The following AGFG2 variants were observed in gnomAD, a reference collection of about 807,000 sequenced individuals.
The protein encoded by AGFG2 is arf-GAP domain and FG repeat-containing protein 2.
Under a neutral mutation model 48.0 loss-of-function variants are expected in AGFG2, and 31 were observed. The ratio of observed to expected loss-of-function variants is 0.65; its 90% CI spans 0.49 to 0.87. The LOEUF (loss-of-function observed/expected upper bound fraction) is 0.87. Among genes scored for constraint, AGFG2 ranks in the 40% least tolerant of loss-of-function variants. The probability of loss-of-function intolerance (pLI) is 0.00; values close to 1 mark genes in which losing one functional copy is unlikely to be tolerated. For synonymous variants in AGFG2, 229 were observed against 260.8 expected, an observed-to-expected ratio of 0.88 and a Z score of 1.18; for missense variants, 599 against 632.6, an observed-to-expected ratio of 0.95 and a Z score of 0.57.
At position 100,550,487 on chromosome 7, in the gene AGFG2, A is replaced by G; in HGVS notation, c.407A>G (p.Gln136Arg). 2 of 1,613,666 alleles carry G rather than the reference A, an allele frequency of 1.2e-6. No homozygotes were observed. The highest frequency in any genetic ancestry group is 1.3e-5 in the African/African-American group (1 of 75,012). ...RDPQKVKEFL[Q>R]EKYEKKRWYV... ...CCTCAGAAAGTGAAGGAGTTTCTCC[A>G]GGAAAAATATGAGAAGAAGAGATGG... Residue 136 changes from glutamine to arginine, a missense_variant, in exon 3 of 12, where the codon CAG becomes CGG. Physicochemically the swap from Gln to Arg is conservative, Grantham distance 43 (BLOSUM62 1). Coordinates refer to ENST00000300176, the MANE Select transcript of AGFG2 (RefSeq NM_006076.5).
intron 1 of AGFG2, among the ~76,000 whole-genome samples, chr7:100,541,010 C>CAAAA (rs11353093): frequency 1.1e-4 from 8 of 75,532 alleles, no homozygotes; most frequent in Non-Finnish European, 1.8e-4. Context: ...GACACTGTCT[C>CAAAA]AAAAAAAAAA....
intron 1 of AGFG2, among the ~76,000 whole-genome samples, chr7:100,541,231 C>T (rs537710932): frequency 2.6e-5 from 4 of 152,186 alleles, no homozygotes; most frequent in South Asian, 4.1e-4. Flanking sequence ...CTCAAGATAC[C>T]GTTTGGAATT....
intron 1 of AGFG2, among the ~76,000 whole-genome samples, chr7:100,542,313 C>A (rs1025262479): frequency 4.6e-5 from 7 of 152,212 alleles, no homozygotes; most frequent in African/African-American, 1.7e-4. Context: ...CGGCACCCAG[C>A]CTGCTTAGCT....
intron 1 of AGFG2, among the ~76,000 whole-genome samples, chr7:100,545,013 A>G (rs1011980712): frequency 1.3e-5 from 2 of 152,180 alleles, no homozygotes; most frequent in Non-Finnish European, 2.9e-5. Flanking sequence ...AGTTCCTAAC[A>G]GGGACTCTTC....
chr7:100,558,751 A>C (rs1800809001), intron 6 of AGFG2, among the ~76,000 whole-genome samples: 1 of 151,926 alleles, frequency 6.6e-6, no homozygotes. Flanking sequence ...CCGTAAAGAC[A>C]GTTTTTGGGG....
At chr7:100,551,072 T>A (rs1156615472) in intron 3 of AGFG2, among the ~76,000 whole-genome samples, 151 of 74,170 alleles carry the variant, frequency 2.0e-3, no homozygotes, top group Middle Eastern at 7.5e-3. Flanking sequence ...ATATATTTCT[T>A]TTTTTTTTTT....
Position 100,564,988 on chromosome 7 carries a change from G to T in AGFG2, c.1443G>T (p.Leu481Phe). The T allele has an allele frequency of 6.2e-7, 1 of 1,614,136 alleles. No homozygotes were observed. The highest frequency in any genetic ancestry group is 1.1e-5 in the South Asian group (1 of 91,080). Residue 481 changes from leucine to phenylalanine, a missense_variant, in exon 12 of 12, where the codon TTG becomes TTT. Coordinates refer to ENST00000300176, the MANE Select transcript of AGFG2 (RefSeq NM_006076.5). ...ASKPPTTNPF[L>F] ...AACCTCCAACCACCAACCCCTTCTTGTAGCACTGTGTTTTTGGGGGGCCTC... is the reference window on the plus strand; with the variant it reads ...AACCTCCAACCACCAACCCCTTCTTTTAGCACTGTGTTTTTGGGGGGCCTC...
intron 10 of AGFG2, 79 bp downstream of exon 10, chr7:100,564,041 A>G: frequency 6.3e-7 from 1 of 1,579,262 alleles, no homozygotes; most frequent in Non-Finnish European, 8.6e-7. Context: ...CTCCGACCTC[A>G]TCAGAGCCCA....
intron 3 of AGFG2, among the ~76,000 whole-genome samples, chr7:100,551,075 T>G (rs1331024036): frequency 8.0e-6 from 1 of 124,640 alleles, no homozygotes; most frequent in Non-Finnish European, 1.7e-5. Flanking sequence ...TATTTCTTTT[T>G]TTTTTTTTTT....
Position 100,562,425 on chromosome 7 carries a change from C to T in AGFG2, c.998+46C>T, listed in dbSNP as rs774327556. On this transcript the variant is annotated intron_variant, in intron 7 of 11. Coordinates refer to ENST00000300176, the MANE Select transcript of AGFG2 (RefSeq NM_006076.5). The surrounding 1 kb of genome is among the most constrained non-coding windows in gnomAD (Gnocchi z 5.4). Reference sequence around the variant, plus strand: ...GTCTGCTGTAGGGCAGGAGAGCCGCCCGAAGCCTGGCCATGTTCCTCCCAG... The same window carrying T: ...GTCTGCTGTAGGGCAGGAGAGCCGCTCGAAGCCTGGCCATGTTCCTCCCAG... 3 of 1,607,674 alleles carry T rather than the reference C, an allele frequency of 1.9e-6. No homozygotes were observed. Among genetic ancestry groups the T allele is most frequent in the South Asian group, 1.1e-5 (1 of 90,792 alleles).
chr7:100,545,930 C>T (rs1800502312), intron 1 of AGFG2, among the ~76,000 whole-genome samples: 2 of 152,154 alleles, frequency 1.3e-5, no homozygotes, highest in South Asian at 2.1e-4. Flanking sequence ...GACTCATAGG[C>T]CATGTAACTA....
At position 100,550,395 on chromosome 7, in the gene AGFG2, G is replaced by C. The variant is rs1394613128; in HGVS notation, c.316-1G>C. 6.2e-7 allele frequency: 1 copy of C among 1,610,448 alleles called. No individual in the cohort carries two copies. The highest frequency in any genetic ancestry group is 1.1e-5 in the South Asian group (1 of 90,928). Reference sequence around the variant, plus strand: ...CTCCTCTGACACCTTCATTCTTTTAGGTTTGCCGGAAGATTTGGTTGGGTC... The same window carrying C: ...CTCCTCTGACACCTTCATTCTTTTACGTTTGCCGGAAGATTTGGTTGGGTC... On this transcript the variant is annotated splice_acceptor_variant, in intron 2 of 11. Coordinates refer to ENST00000300176, the MANE Select transcript of AGFG2 (RefSeq NM_006076.5). LOFTEE classifies it high-confidence loss of function.
chr7:100,541,530 G>A (rs1054301744), intron 1 of AGFG2, among the ~76,000 whole-genome samples: 1 of 152,082 alleles, frequency 6.6e-6, no homozygotes, highest in African/African-American at 2.4e-5. Context: ...GGAGGCCAAG[G>A]TGAGCAGATC....
chr7:100,564,385 G>A, intron 11 of AGFG2, 82 bp downstream of exon 11: 1 of 1,426,950 alleles, frequency 7.0e-7, no homozygotes, highest in Non-Finnish European at 9.6e-7. Context: ...GCTGATGTGA[G>A]GTGGCCCCTG....
chr7:100,563,096 T>A, intron 9 of AGFG2, 150 bp downstream of exon 9: 1 of 789,744 alleles, frequency 1.3e-6, no homozygotes, highest in African/African-American at 1.7e-5. Context: ...CCAGGCCACC[T>A]AGCACCCAGG....
At chr7:100,564,863 T>C (rs1482887232) in intron 11 of AGFG2, 69 bp from the exon 12 acceptor site, 13 of 1,552,128 alleles carry the variant, frequency 8.4e-6, no homozygotes, top group Non-Finnish European at 9.8e-6. Context: ...AAAGGACTCC[T>C]GGCTGCCTTT....
At chr7:100,545,040 C>T (rs970554271) in intron 1 of AGFG2, among the ~76,000 whole-genome samples, 2 of 151,988 alleles carry the variant, frequency 1.3e-5, no homozygotes, top group African/African-American at 4.8e-5. Flanking sequence ...ATGTTTGCAT[C>T]CAAGATAAGA....
At chr7:100,545,051 G>A (rs1800488326) in intron 1 of AGFG2, among the ~76,000 whole-genome samples, 1 of 152,136 alleles carries the variant, frequency 6.6e-6, no homozygotes, top group Admixed American at 6.6e-5. Context: ...CAAGATAAGA[G>A]CTAAACTGGT....
At chr7:100,549,474 C>G (rs1800580560) in intron 2 of AGFG2, among the ~76,000 whole-genome samples, 1 of 152,184 alleles carries the variant, frequency 6.6e-6, no homozygotes, top group Non-Finnish European at 1.5e-5. Context: ...GGACCCTACC[C>G]TTAGTGAAAT....
Sources: gnomAD v4.1 joint callset for allele counts (sites outside exome capture counted in the v4.1 genomes callset) on GRCh38, gnomAD v4.1.1 for gene constraint, Gnocchi (gnomAD v3.1) non-coding constraint, MANE v1.5 for transcripts, NCBI Gene and HGNC (gene_info 2026-07-23, HGNC 2026-07-21) for gene names.